GALNTL6: variants seen among roughly 807,000 people sequenced by gnomAD.
GALNTL6 encodes polypeptide N-acetylgalactosaminyltransferase-like 6.
In GALNTL6, 46 loss-of-function variants were observed where a neutral mutation model predicts 73.7. That is an observed-to-expected ratio of 0.62 (90% CI 0.49 to 0.80). The LOEUF (loss-of-function observed/expected upper bound fraction) is 0.80. Ranked by LOEUF, GALNTL6 falls within the 30% of genes least tolerant of loss-of-function variation. The pLI is 0.00. For missense variants in GALNTL6, 604 were observed against 755.0 expected (o/e 0.80, Z 2.34); for synonymous variants, 259 against 263.7 (o/e 0.98, Z 0.17).
chr4:171,869,431 T>C (rs575177017), intron 2 of GALNTL6, among the ~76,000 whole-genome samples: 2 of 152,192 alleles, frequency 1.3e-5, no homozygotes, highest in Non-Finnish European at 2.9e-5. Flanking sequence ...CTCTTCCTCT[T>C]GCTTGGCACA....
intron 2 of GALNTL6, among the ~76,000 whole-genome samples, chr4:172,127,931 C>T (rs1431153282): frequency 1.3e-5 from 2 of 151,986 alleles, no homozygotes; most frequent in Admixed American, 1.3e-4. Flanking sequence ...GGTAAAACCC[C>T]GTCTCTACTT....
chr4:172,553,628 T>C (rs1736041152), intron 5 of GALNTL6, among the ~76,000 whole-genome samples: 1 of 152,184 alleles, frequency 6.6e-6, no homozygotes, highest in African/African-American at 2.4e-5. Context: ...TAATTCTGAT[T>C]CATCATAACA....
At chr4:172,421,903 T>C (rs991211118) in intron 5 of GALNTL6, among the ~76,000 whole-genome samples, 3 of 151,456 alleles carry the variant, frequency 2.0e-5, no homozygotes, top group Admixed American at 1.3e-4. Flanking sequence ...GCATTAATAA[T>C]AGAGTGAAGA....
At chr4:172,182,200 G>A (rs1213007212) in intron 2 of GALNTL6, among the ~76,000 whole-genome samples, 1 of 152,196 alleles carries the variant, frequency 6.6e-6, no homozygotes. Flanking sequence ...TCCAACTTAT[G>A]AGGGATGTGA....
intron 2 of GALNTL6, among the ~76,000 whole-genome samples, chr4:171,879,430 C>T (rs1736374128): frequency 6.6e-6 from 1 of 151,936 alleles, no homozygotes; most frequent in Admixed American, 6.6e-5. Context: ...ATATATAGCT[C>T]TAAAACCTAA....
intron 2 of GALNTL6, among the ~76,000 whole-genome samples, chr4:172,167,779 A>T (rs1388710142): frequency 1.4e-5 from 2 of 144,248 alleles, no homozygotes; most frequent in Non-Finnish European, 3.0e-5. Context: ...TAACAAGGTG[A>T]AACCCCGTCT....
At chr4:171,878,444 T>G (rs1736340298) in intron 2 of GALNTL6, among the ~76,000 whole-genome samples, 1 of 152,214 alleles carries the variant, frequency 6.6e-6, no homozygotes, top group Non-Finnish European at 1.5e-5. Flanking sequence ...TGTACATGTT[T>G]CATTGCTTTT....
intron 2 of GALNTL6, among the ~76,000 whole-genome samples, chr4:172,014,056 CT>C (rs1741107877): frequency 6.6e-6 from 1 of 152,032 alleles, no homozygotes; most frequent in African/African-American, 2.4e-5. Flanking sequence ...GGATTTCATT[CT>C]TTTTTATGGC....
intron 5 of GALNTL6, among the ~76,000 whole-genome samples, chr4:172,515,342 G>C (rs1214280428): frequency 6.6e-6 from 1 of 152,244 alleles, no homozygotes; most frequent in African/African-American, 2.4e-5. Context: ...AAGGATATCT[G>C]TTCGCATCCT....
intron 2 of GALNTL6, among the ~76,000 whole-genome samples, chr4:172,088,973 A>G (rs564951499): frequency 6.6e-6 from 1 of 152,360 alleles, no homozygotes; most frequent in Non-Finnish European, 1.5e-5. Context: ...TAGAGAAATC[A>G]GGGTAGTAAT....
intron 8 of GALNTL6, among the ~76,000 whole-genome samples, chr4:172,893,355 G>T (rs1003270327): frequency 6.6e-6 from 1 of 151,000 alleles, no homozygotes; most frequent in Admixed American, 6.6e-5. Flanking sequence ...CGGGGGGGGG[G>T]TCTTCCCCTT....
At chr4:172,487,350 C>CT (rs780556024) in intron 5 of GALNTL6, among the ~76,000 whole-genome samples, 11,751 of 120,256 alleles carry the variant, frequency 0.098, 627 homozygotes, top group Non-Finnish European at 0.15. Context: ...TTCTTTCTTT[C>CT]TTTCTTTCCT....
chr4:172,140,273 T>C (rs2110736372), intron 2 of GALNTL6, among the ~76,000 whole-genome samples: 1 of 152,228 alleles, frequency 6.6e-6, no homozygotes, highest in African/African-American at 2.4e-5. Flanking sequence ...ACCTTTAGGC[T>C]ACATTCAGCA....
intron 2 of GALNTL6, among the ~76,000 whole-genome samples, chr4:172,155,831 ACTC>A (rs979870451): frequency 2.0e-5 from 3 of 151,004 alleles, no homozygotes; most frequent in African/African-American, 7.3e-5. Context: ...TGACCACACT[ACTC>A]CATTTTCTAA....
At chr4:171,905,191 C>T (rs531867453) in intron 2 of GALNTL6, among the ~76,000 whole-genome samples, 1 of 151,970 alleles carries the variant, frequency 6.6e-6, no homozygotes, top group Admixed American at 6.6e-5. Flanking sequence ...TTAAAAGACA[C>T]AGACTGGCAA....
rs565840662 is a variant in GALNTL6 at position 171,914,187 on chromosome 4, C to G, written c.138+99469C>G. ...GAATATAGAGGTAAGTAATAAAACACCCCTAGCCGTTGCTAGTTGGGTTGT... is the reference window on the plus strand; with the variant it reads ...GAATATAGAGGTAAGTAATAAAACAGCCCTAGCCGTTGCTAGTTGGGTTGT... On this transcript the variant is annotated intron_variant, in intron 2 of 12. Transcript: ENST00000506823. 1.8e-4 allele frequency among the ~76,000 whole-genome samples: 27 copies of G among 152,196 alleles called. 1 individual carries two copies. In the Middle Eastern group the frequency reaches 0.017, roughly 96 times the overall value.
intron 2 of GALNTL6, among the ~76,000 whole-genome samples, chr4:171,968,763 G>A (rs1485270834): frequency 6.6e-6 from 1 of 150,426 alleles, no homozygotes; most frequent in Non-Finnish European, 1.5e-5. Flanking sequence ...CTCTCAGTCA[G>A]TGAACTCTGG....
At chr4:172,912,051 T>C (rs1747230338) in intron 8 of GALNTL6, among the ~76,000 whole-genome samples, 1 of 152,200 alleles carries the variant, frequency 6.6e-6, no homozygotes, top group Admixed American at 6.5e-5. Context: ...CTAATCATGC[T>C]AATGCTTCTA....
intron 10 of GALNTL6, 132 bp downstream of exon 10, chr4:172,952,390 C>T (rs1749497487): frequency 6.4e-6 from 4 of 628,908 alleles, no homozygotes; most frequent in Admixed American, 6.0e-5. Flanking sequence ...TTTAAATCAT[C>T]TCAAATACAT....
Sources: allele counts gnomAD v4.1 joint callset (sites outside exome capture counted in the v4.1 genomes callset), GRCh38; gene constraint gnomAD v4.1.1; transcripts MANE v1.5; gene names NCBI Gene and HGNC (gene_info 2026-07-23, HGNC 2026-07-21).